FAM81B: variants seen among roughly 807,000 people sequenced by gnomAD.
FAM81B encodes family with sequence similarity 81 member B, also known as protein FAM81B.
Under a neutral mutation model 58.7 loss-of-function variants are expected in FAM81B, and 60 were observed. The ratio of observed to expected loss-of-function variants is 1.02; its 90% CI spans 0.83 to 1.27. The LOEUF (loss-of-function observed/expected upper bound fraction) is 1.27, where lower values mean the gene tolerates loss of function less well. FAM81B is among the 50% of genes most tolerant of loss of function. The probability of loss-of-function intolerance (pLI) is 0.00; values close to 1 mark genes in which losing one functional copy is unlikely to be tolerated. For synonymous variants in FAM81B, 189 were observed against 179.6 expected (o/e 1.05, Z -0.42); for missense variants, 491 against 522.0 (o/e 0.94, Z 0.58).
chr5:95,445,265 T>C (rs1347302293), intron 7 of FAM81B, among the ~76,000 whole-genome samples: 1 of 152,228 alleles, frequency 6.6e-6, no homozygotes, highest in East Asian at 1.9e-4. Flanking sequence ...GTACCATACA[T>C]TGTAAGACAG....
rs1761959218 is a variant in FAM81B at position 95,396,091 on chromosome 5, A to T, written c.229-20A>T. On this transcript the variant is annotated intron_variant, in intron 2 of 9. Coordinates refer to ENST00000283357, the MANE Select transcript of FAM81B (RefSeq NM_152548.3). ...TAAAGAAGCAGATGATATATTCTGA[A>T]TCTGTAACCTTTGTTTTAGGTAAGA... The T allele has an allele frequency of 2.5e-6, 4 of 1,586,272 alleles. No homozygotes were observed. The Admixed American group carries it at 7.0e-5, about 28-fold the overall frequency.
intron 3 of FAM81B, among the ~76,000 whole-genome samples, chr5:95,405,756 G>GT (rs1468984900): frequency 6.6e-6 from 1 of 152,180 alleles, no homozygotes; most frequent in East Asian, 1.9e-4. Context: ...GGGGTGGGGT[G>GT]TGGATGAGCC....
At chr5:95,425,124 C>A (rs1281706748) in intron 5 of FAM81B, among the ~76,000 whole-genome samples, 1 of 150,986 alleles carries the variant, frequency 6.6e-6, no homozygotes, top group African/African-American at 2.4e-5. Context: ...GAAAACTCAT[C>A]CAATATAGAA....
At chr5:95,393,866 G>T (rs913678414) in intron 2 of FAM81B, among the ~76,000 whole-genome samples, 3 of 152,082 alleles carry the variant, frequency 2.0e-5, no homozygotes, top group Non-Finnish European at 4.4e-5. Context: ...GGATAAAACT[G>T]ATATATGTAA....
chr5:95,440,223 C>T (rs1389792002), intron 7 of FAM81B: 15 of 669,250 alleles, frequency 2.2e-5, no homozygotes, highest in Non-Finnish European at 4.0e-5. Flanking sequence ...GCTTCTCGGT[C>T]TAGCTGTGAG....
chr5:95,400,447 C>CACACACACACACACAT (rs1554042707), intron 3 of FAM81B, among the ~76,000 whole-genome samples: 1,871 of 151,196 alleles, frequency 0.012, 42 homozygotes, highest in African/African-American at 0.043. Flanking sequence ...CACACACACA[C>CACACACACACACACAT]ACATACATAC....
At chr5:95,432,546 T>C (rs1378799363) in intron 6 of FAM81B, among the ~76,000 whole-genome samples, 4 of 152,084 alleles carry the variant, frequency 2.6e-5, no homozygotes, top group Non-Finnish European at 4.4e-5. Context: ...CTTTCATTTT[T>C]TATATTTATT....
chr5:95,420,050 A>C (rs1204136976), intron 4 of FAM81B, among the ~76,000 whole-genome samples: 3 of 152,190 alleles, frequency 2.0e-5, no homozygotes, highest in East Asian at 3.9e-4. Flanking sequence ...AGCTTCCTTT[A>C]AAACACTATT....
At chr5:95,436,651 A>C in intron 6 of FAM81B, 149 bp from the exon 7 acceptor site, 1 of 660,350 alleles carries the variant, frequency 1.5e-6, no homozygotes, top group Non-Finnish European at 2.7e-6. Context: ...TTCAAGTGCA[A>C]TCATGCTTTA....
At chr5:95,412,902 T>C (rs1762441501) in intron 3 of FAM81B, among the ~76,000 whole-genome samples, 1 of 152,206 alleles carries the variant, frequency 6.6e-6, no homozygotes, top group Non-Finnish European at 1.5e-5. Context: ...CTAGGTTGTC[T>C]ATGTTAGATT....
chr5:95,410,244 T>C (rs1762371551), intron 3 of FAM81B, among the ~76,000 whole-genome samples: 1 of 152,062 alleles, frequency 6.6e-6, no homozygotes, highest in African/African-American at 2.4e-5. Context: ...GACCTGAGGG[T>C]AAAGGTCACA....
Position 95,428,663 on chromosome 5 carries a change from G to C in FAM81B, c.717G>C (p.Arg239=). 2 of 1,613,998 alleles carry C rather than the reference G, an allele frequency of 1.2e-6. No homozygotes were observed. The highest frequency in any genetic ancestry group is 2.2e-5 in the South Asian group (2 of 91,088). Residue 239 remains arginine, a synonymous_variant, in exon 6 of 10, where the codon CGG becomes CGC. Coordinates refer to ENST00000283357, the MANE Select transcript of FAM81B (RefSeq NM_152548.3). The part of the protein sequence containing the change: ...GDIHLFRQEH[R]QIEKAIQEFV... ...TTCACTTATTCAGGCAAGAGCACCG[G>C]CAAATTGAGAAAGCCATTCAAGAAT...
intron 3 of FAM81B, among the ~76,000 whole-genome samples, chr5:95,398,440 A>AAATG (rs1762019037): frequency 7.7e-6 from 1 of 129,656 alleles, no homozygotes; most frequent in Non-Finnish European, 1.7e-5. Flanking sequence ...ATAAATAAAT[A>AAATG]AATAAATAAA....
chr5:95,421,125 CA>C (rs1273121850), intron 5 of FAM81B, among the ~76,000 whole-genome samples: 1 of 152,220 alleles, frequency 6.6e-6, no homozygotes, highest in Admixed American at 6.5e-5. Context: ...ATGTATTAAG[CA>C]CTCATCTTAT....
Position 95,420,329 on chromosome 5 carries a change from A to G in FAM81B, c.583A>G (p.Thr195Ala). ...IRARDQAATG[T>A]NFAVHEINIK... ...AGCTCGAGATCAGGCGGCCACAGGAACTAACTTTGCAGTACACGAGATAAA... is the reference window on the plus strand; with the variant it reads ...AGCTCGAGATCAGGCGGCCACAGGAGCTAACTTTGCAGTACACGAGATAAA... Residue 195 changes from threonine to alanine, a missense_variant, in exon 5 of 10, where the codon ACT becomes GCT. Thr to Ala is a moderately conservative substitution (Grantham distance 58). Coordinates refer to ENST00000283357, the MANE Select transcript of FAM81B (RefSeq NM_152548.3). 2 of 1,613,806 alleles carry G rather than the reference A, an allele frequency of 1.2e-6. No homozygotes were observed. Among genetic ancestry groups the G allele is most frequent in the Non-Finnish European group, 1.7e-6 (2 of 1,179,742 alleles).
At chr5:95,441,486 T>A (rs543399548) in intron 7 of FAM81B, among the ~76,000 whole-genome samples, 2 of 151,880 alleles carry the variant, frequency 1.3e-5, no homozygotes, top group Non-Finnish European at 2.9e-5. Flanking sequence ...GGAGAATGGC[T>A]TGAACCCGGG....
At chr5:95,424,117 G>A in intron 5 of FAM81B, 2 of 1,289,792 alleles carry the variant, frequency 1.6e-6, no homozygotes, top group Non-Finnish European at 2.0e-6. Context: ...AGGAAGGAGA[G>A]AGATTTGATA....
At chr5:95,418,613 A>T (rs933557449) in intron 4 of FAM81B, among the ~76,000 whole-genome samples, 1 of 152,178 alleles carries the variant, frequency 6.6e-6, no homozygotes, top group Non-Finnish European at 1.5e-5. Flanking sequence ...TAACTTTATC[A>T]TAGGTATGTA....
At chr5:95,429,500 GATT>G (rs1334851935) in intron 6 of FAM81B, among the ~76,000 whole-genome samples, 1 of 152,204 alleles carries the variant, frequency 6.6e-6, no homozygotes, top group African/African-American at 2.4e-5. Context: ...TCTGGCGTTT[GATT>G]ATTTGTTGGT....
Sources: allele counts gnomAD v4.1 joint callset (sites outside exome capture counted in the v4.1 genomes callset), GRCh38; gene constraint gnomAD v4.1.1; transcripts MANE v1.5; gene names NCBI Gene and HGNC (gene_info 2026-07-23, HGNC 2026-07-21).